BABAM2: variants seen among roughly 807,000 people sequenced by gnomAD.
BABAM2 encodes the protein BRISC and BRCA1 A complex member 2.
BABAM2 carries 31 observed loss-of-function variants against 54.7 expected under a neutral mutation model. The observed-to-expected ratio is 0.57, with a 90% confidence interval of 0.43 to 0.77. The LOEUF (loss-of-function observed/expected upper bound fraction) is 0.77, where lower values mean the gene tolerates loss of function less well. Among genes scored for constraint, BABAM2 ranks in the 30% least tolerant of loss-of-function variants. BABAM2 has a pLI of 0.00. For synonymous variants in BABAM2, 167 were observed against 162.9 expected, an observed-to-expected ratio of 1.03 and a Z score of -0.19; for missense variants, 364 against 455.8, an observed-to-expected ratio of 0.80 and a Z score of 1.83.
At chr2:28,138,382 G>A (rs1012229907) in intron 7 of BABAM2, among the ~76,000 whole-genome samples, 1 of 152,080 alleles carries the variant, frequency 6.6e-6, no homozygotes, top group African/African-American at 2.4e-5. Flanking sequence ...ATGTTTAAAG[G>A]AATAGCAGAT....
chr2:28,244,754 T>A, intron 9 of BABAM2, 26 bp from the exon 10 acceptor site: 1 of 1,592,026 alleles, frequency 6.3e-7, no homozygotes. Flanking sequence ...TTTTTTTGTT[T>A]GTGTGTGTAT....
At chr2:27,989,393 G>A (rs561368865) in intron 4 of BABAM2, among the ~76,000 whole-genome samples, 1 of 152,298 alleles carries the variant, frequency 6.6e-6, no homozygotes, top group South Asian at 2.1e-4. Flanking sequence ...ACAAAAGTGG[G>A]AGGTATGACA....
At chr2:28,112,369 C>G (rs1004592291) in intron 6 of BABAM2, among the ~76,000 whole-genome samples, 5 of 151,638 alleles carry the variant, frequency 3.3e-5, no homozygotes, top group South Asian at 4.2e-4. Context: ...CCCCCTACCC[C>G]CTGACAGGCC....
At chr2:28,012,430 G>A (rs1674463252) in intron 4 of BABAM2, among the ~76,000 whole-genome samples, 1 of 152,126 alleles carries the variant, frequency 6.6e-6, no homozygotes, top group South Asian at 2.1e-4. Flanking sequence ...GGATTCATAA[G>A]TCAAATTTTA....
intron 6 of BABAM2, among the ~76,000 whole-genome samples, chr2:28,066,990 C>T (rs1455149991): frequency 6.6e-6 from 1 of 152,126 alleles, no homozygotes; most frequent in Non-Finnish European, 1.5e-5. Flanking sequence ...TCTTGTCGCC[C>T]AGGCTGGAGT....
At chr2:28,206,257 C>T (rs1024826022) in intron 7 of BABAM2, among the ~76,000 whole-genome samples, 22 of 152,012 alleles carry the variant, frequency 1.4e-4, no homozygotes, top group African/African-American at 4.4e-4. Context: ...CAAGTTGCCA[C>T]AGAGGAAATA....
intron 4 of BABAM2, among the ~76,000 whole-genome samples, chr2:28,004,910 A>G (rs1431235087): frequency 1.3e-5 from 2 of 152,158 alleles, no homozygotes; most frequent in Non-Finnish European, 2.9e-5. Context: ...GTTAACATGA[A>G]CTTTAGCCTA....
At chr2:27,894,508 C>T in intron 1 of BABAM2, 25 bp from the exon 2 acceptor site, 1 of 1,606,472 alleles carries the variant, frequency 6.2e-7, no homozygotes, top group Non-Finnish European at 8.5e-7. Context: ...AAGCCCTGAT[C>T]ATTATTCTTT....
At position 27,995,859 on chromosome 2, in the gene BABAM2, C is replaced by T. The variant is rs538062276; in HGVS notation, c.300+7772C>T. Among the ~76,000 whole-genome samples, 9 of 152,182 alleles carry T rather than the reference C, an allele frequency of 5.9e-5. No individual in the cohort carries two copies. Among genetic ancestry groups the T allele is most frequent in the Admixed American group, 2.6e-4 (4 of 15,298 alleles). On this transcript the variant is annotated intron_variant, in intron 4 of 11. Transcript: ENST00000379624. The surrounding 1 kb of genome is among the most constrained non-coding windows in gnomAD (Gnocchi z 4.1). ...CCTCCCAAAGTGCTGGGATTACAGG[C>T]GTGAGCCACTGCACCTGGCCCCTCA... is the stretch of plus-strand genomic sequence containing the variant.
chr2:28,121,797 A>C (rs868425015), intron 6 of BABAM2, among the ~76,000 whole-genome samples: 1 of 152,098 alleles, frequency 6.6e-6, no homozygotes, highest in South Asian at 2.1e-4. Flanking sequence ...CACTTGAAAA[A>C]ACTTGATTAA....
intron 7 of BABAM2, among the ~76,000 whole-genome samples, chr2:28,200,216 C>T (rs1358563458): frequency 2.6e-5 from 4 of 152,164 alleles, no homozygotes; most frequent in Non-Finnish European, 5.9e-5. Flanking sequence ...TCACTGAATT[C>T]CTTTCCCCTT....
chr2:27,931,961 G>T (rs1235403859), intron 3 of BABAM2, among the ~76,000 whole-genome samples: 3 of 151,978 alleles, frequency 2.0e-5, no homozygotes, highest in Non-Finnish European at 4.4e-5. Context: ...TGTCTTCTGT[G>T]CCTTGCCTAT....
chr2:28,058,550 A>AAT (rs201883842), intron 6 of BABAM2, among the ~76,000 whole-genome samples: 4,542 of 149,600 alleles, frequency 0.03, 103 homozygotes, highest in Admixed American at 0.043. Context: ...GTGTATATAA[A>AAT]ATATATATAT....
chr2:28,324,666 A>G (rs1690296329), intron 11 of BABAM2, among the ~76,000 whole-genome samples: 1 of 151,442 alleles, frequency 6.6e-6, no homozygotes, highest in Non-Finnish European at 1.5e-5. Flanking sequence ...GTGGTAGTGC[A>G]CTCCTGTAGT....
intron 4 of BABAM2, among the ~76,000 whole-genome samples, chr2:28,000,366 G>A (rs1673492523): frequency 1.3e-5 from 2 of 152,008 alleles, no homozygotes; most frequent in African/African-American, 4.8e-5. Flanking sequence ...GTTGGGATTT[G>A]TCTGATTTTT....
At chr2:27,990,289 A>G (rs1474302082) in intron 4 of BABAM2, among the ~76,000 whole-genome samples, 1 of 152,188 alleles carries the variant, frequency 6.6e-6, no homozygotes, top group African/African-American at 2.4e-5. Context: ...AAAACACCAG[A>G]CAGGTTAACT....
intron 7 of BABAM2, among the ~76,000 whole-genome samples, chr2:28,172,087 A>ATGTG (rs10612484): frequency 1.9e-4 from 29 of 149,890 alleles, no homozygotes; most frequent in East Asian, 5.9e-4. Context: ...TTTGTTTGAA[A>ATGTG]TGTGTGTGTG....
intron 9 of BABAM2, among the ~76,000 whole-genome samples, chr2:28,243,564 G>A (rs188787125): frequency 6.6e-5 from 10 of 151,702 alleles, no homozygotes; most frequent in Middle Eastern, 3.4e-3. Flanking sequence ...AAAATTAGCC[G>A]GGCATAGTGG....
At chr2:28,067,284 T>TA (rs1364862061) in intron 6 of BABAM2, among the ~76,000 whole-genome samples, 1 of 152,194 alleles carries the variant, frequency 6.6e-6, no homozygotes, top group Non-Finnish European at 1.5e-5. Flanking sequence ...GGCAGAGAGA[T>TA]AGAAAGATAG....
Sources: gnomAD v4.1 joint callset for allele counts (sites outside exome capture counted in the v4.1 genomes callset) on GRCh38, gnomAD v4.1.1 for gene constraint, Gnocchi (gnomAD v3.1) non-coding constraint, MANE v1.5 for transcripts, NCBI Gene and HGNC (gene_info 2026-07-23, HGNC 2026-07-21) for gene names.